RSF1: variants seen among roughly 807,000 people sequenced by gnomAD.
RSF1 encodes remodeling and spacing factor 1, also known as HBV pX-associated protein 8.
Under a neutral mutation model 145.2 loss-of-function variants are expected in RSF1, and 13 were observed. The observed-to-expected ratio is 0.09, with a 90% CI of 0.06 to 0.14. RSF1 has a LOEUF of 0.14. Ranked by LOEUF, RSF1 falls within the 10% of genes least tolerant of loss-of-function variation. The pLI is 1.00. For synonymous variants in RSF1, 577 were observed against 592.6 expected (o/e 0.97, Z 0.38); for missense variants, 1,517 against 1,718.2 (o/e 0.88, Z 2.07).
At chr11:77,863,136 T>C in the RSF1 span, among the ~76,000 whole-genome samples, 3 of 152,142 alleles carry the variant, frequency 2.0e-5, no homozygotes, top group African/African-American at 7.2e-5. Flanking sequence ...GTTATAGCCC[T>C]ATCAGAAGCC....
In RSF1 at chr11:77,813,329, G is replaced by A. The variant is rs1030524861; in HGVS notation, c.187+7199C>T. ...ATTAAAATAGTTGACTTAAGCATCT[G>A]CAATGGTGACTTTCACCTCAACTCC... is the stretch of plus-strand genomic sequence containing the variant. On this transcript the variant is annotated intron_variant, in intron 1 of 15. Transcript: ENST00000308488. 4.7e-6 allele frequency: 4 copies of A among 849,278 alleles called. No homozygotes were observed. The South Asian group carries it at 5.3e-5, about 11-fold the overall frequency. 52.6% of individuals were successfully genotyped at this position (849,278 alleles called of 1,614,324 possible).
chr11:77,764,422 G>T, intron 2 of RSF1, 176 bp downstream of exon 2: 1 of 543,886 alleles, frequency 1.8e-6, no homozygotes, highest in Non-Finnish European at 3.2e-6. Context: ...ACTCAAGACT[G>T]CTACTAAGTA....
intron 1 of RSF1, among the ~76,000 whole-genome samples, chr11:77,776,494 T>C (rs1189383150): frequency 6.6e-6 from 1 of 152,206 alleles, no homozygotes; most frequent in Non-Finnish European, 1.5e-5. Flanking sequence ...TACTATGTCA[T>C]CTTATAGTTT....
At chr11:77,758,966 T>A (rs1395960496) in intron 2 of RSF1, among the ~76,000 whole-genome samples, 3 of 152,244 alleles carry the variant, frequency 2.0e-5, no homozygotes, top group African/African-American at 7.2e-5. Flanking sequence ...GTCTAACTAA[T>A]CTATTTTTTA....
intron 11 of RSF1, among the ~76,000 whole-genome samples, chr11:77,680,142 C>T (rs1959818663): frequency 6.6e-6 from 1 of 152,104 alleles, no homozygotes; most frequent in African/African-American, 2.4e-5. Context: ...GGATTAACAA[C>T]AGCATCAAAA....
chr11:77,791,944 C>T (rs1948521713), intron 1 of RSF1, among the ~76,000 whole-genome samples: 15 of 152,208 alleles, frequency 9.9e-5, no homozygotes, highest in Admixed American at 9.8e-4. Flanking sequence ...GTCGTTTCCA[C>T]ATTTTCAGGT....
At chr11:77,835,740 G>A in the RSF1 span, among the ~76,000 whole-genome samples, 216 of 151,826 alleles carry the variant, frequency 1.4e-3, 1 homozygote, top group East Asian at 0.018. Context: ...CAAACATGGC[G>A]AAACCCTGTC....
intron 10 of RSF1, 89 bp downstream of exon 10, chr11:77,685,016 T>A: frequency 1.6e-6 from 1 of 633,328 alleles, no homozygotes; most frequent in Non-Finnish European, 2.6e-6. Context: ...AATAAATAAA[T>A]AAAACCACTA....
chr11:77,704,855 C>T (rs989936085), intron 5 of RSF1, among the ~76,000 whole-genome samples: 2 of 149,946 alleles, frequency 1.3e-5, no homozygotes, highest in African/African-American at 4.9e-5. Flanking sequence ...TGGGTTCAAG[C>T]GATTCTCTTG....
chr11:77,774,771 TTC>T (rs1299043539), intron 1 of RSF1, among the ~76,000 whole-genome samples: 4 of 139,150 alleles, frequency 2.9e-5, no homozygotes, highest in Non-Finnish European at 6.0e-5. Flanking sequence ...TTTCTTTTTT[TTC>T]TTTTTTTTTT....
chr11:77,683,703 T>G lies in RSF1; in HGVS notation c.3065+7A>C, dbSNP rs1959929252. The G allele has an allele frequency of 3.8e-6, 6 of 1,591,840 alleles. No individual in the cohort carries two copies. In the East Asian group the frequency reaches 1.3e-4, roughly 36 times the overall value. On this transcript the variant is annotated splice_region_variant and intron_variant, in intron 11 of 15. Transcript: ENST00000308488. ...TTTTGCTGTAGACATTTCCATACAC[T>G]TCATACCTGTAGCTTATACATTTCC...
rs1009214967 is a variant in RSF1 at position 77,683,967 on chromosome 11, T to C, written c.2956-148A>G. 9 of 583,354 alleles carry C rather than the reference T, an allele frequency of 1.5e-5. No individual in the cohort carries two copies. In the East Asian group the frequency reaches 2.2e-4, roughly 14 times the overall value. 36.1% of individuals were successfully genotyped at this position (583,354 alleles called of 1,614,324 possible). On this transcript the variant is annotated intron_variant, in intron 10 of 15. Transcript: ENST00000308488. ...GATCCCCTCCAAAAGTGAATAAACA[T>C]GGCAACACTGAGTATACAGATTAAA...
At chr11:77,719,317 T>A (rs1198734022) in intron 5 of RSF1, among the ~76,000 whole-genome samples, 1 of 152,214 alleles carries the variant, frequency 6.6e-6, no homozygotes, top group African/African-American at 2.4e-5. Context: ...TCTGAAATAA[T>A]TCTTGGTCTT....
At chr11:77,739,745 C>T (rs945828058) in intron 4 of RSF1, among the ~76,000 whole-genome samples, 9 of 152,080 alleles carry the variant, frequency 5.9e-5, no homozygotes, top group African/African-American at 2.2e-4. Context: ...CGATATCTTC[C>T]AAATTAATAT....
chr11:77,680,909 C>G (rs1959842073), intron 11 of RSF1, among the ~76,000 whole-genome samples: 1 of 152,148 alleles, frequency 6.6e-6, no homozygotes, highest in African/African-American at 2.4e-5. Context: ...AGCATTTGTT[C>G]TGAGGACAGG....
At chr11:77,818,683 G>A (rs1294247090) in intron 1 of RSF1, among the ~76,000 whole-genome samples, 1 of 152,206 alleles carries the variant, frequency 6.6e-6, no homozygotes, top group African/African-American at 2.4e-5. Context: ...GGAGGCTGGG[G>A]CAGGAGAATC....
At chr11:77,677,993 A>G in intron 12 of RSF1, 93 bp downstream of exon 12, 3 of 819,142 alleles carry the variant, frequency 3.7e-6, no homozygotes, top group Middle Eastern at 2.3e-4. Context: ...AACGGGAAAG[A>G]GAATAAAAAC....
At chr11:77,704,922 T>C (rs1960510098) in intron 5 of RSF1, among the ~76,000 whole-genome samples, 1 of 152,136 alleles carries the variant, frequency 6.6e-6, no homozygotes, top group Non-Finnish European at 1.5e-5. Flanking sequence ...CGGCTAATTT[T>C]GTATATTTAG....
chr11:77,693,247 TG>T (rs1960201405), intron 8 of RSF1, among the ~76,000 whole-genome samples: 1 of 152,218 alleles, frequency 6.6e-6, no homozygotes, highest in East Asian at 1.9e-4. Flanking sequence ...CTACACTTGG[TG>T]CTTTTTGTGC....
Sources: gnomAD v4.1 joint callset for allele counts (sites outside exome capture counted in the v4.1 genomes callset) on GRCh38, gnomAD v4.1.1 for gene constraint, MANE v1.5 for transcripts, NCBI Gene and HGNC (gene_info 2026-07-23, HGNC 2026-07-21) for gene names.